ASXL3: variants seen among roughly 807,000 people sequenced by gnomAD.
ASXL3 encodes the protein putative Polycomb group protein ASXL3.
A neutral mutation model predicts 170.6 loss-of-function variants in ASXL3; 34 were observed. The ratio of observed to expected loss-of-function variants is 0.20; its 90% confidence interval spans 0.15 to 0.27. ASXL3 has a LOEUF of 0.27. ASXL3 is among the 10% of genes least tolerant of loss of function. The pLI is 1.00. For synonymous variants in ASXL3, 1,002 were observed against 989.1 expected (o/e 1.01, Z -0.24); for missense variants, 2,592 against 2,695.3 (o/e 0.96, Z 0.85).
At chr18:33,701,682 T>G (rs1161827930) in intron 8 of ASXL3, among the ~76,000 whole-genome samples, 1 of 152,140 alleles carries the variant, frequency 6.6e-6, no homozygotes, top group African/African-American at 2.4e-5. Flanking sequence ...GCTTTCAGCA[T>G]TTTTACCAGA....
chr18:33,730,736 T>C (rs149457442), intron 8 of ASXL3, among the ~76,000 whole-genome samples: 98 of 152,324 alleles, frequency 6.4e-4, no homozygotes, highest in African/African-American at 2.3e-3. Flanking sequence ...GATTTTTCTT[T>C]ATTGCCAGTG....
At chr18:33,714,931 A>G (rs889691755) in intron 8 of ASXL3, among the ~76,000 whole-genome samples, 1 of 152,116 alleles carries the variant, frequency 6.6e-6, no homozygotes, top group African/African-American at 2.4e-5. Flanking sequence ...ATTCAGTTCA[A>G]TTTGTAATTG....
Position 33,638,004 on chromosome 18 carries a change from G to T in ASXL3, c.138-6890G>T, listed in dbSNP as rs144404112. Among the ~76,000 whole-genome samples the T allele has an allele frequency of 2.6e-3, 393 of 152,092 alleles. 1 individual carries two copies. The highest frequency in any genetic ancestry group is 6.8e-3 in the Middle Eastern group (2 of 294). On this transcript the variant is annotated intron_variant, in intron 2 of 11. Coordinates refer to ENST00000269197, the MANE Select transcript of ASXL3 (RefSeq NM_030632.3). Reference sequence around the variant, plus strand: ...AAGATTAGCTTGACATACATAAATAGAGTGCTCAATAAATGTTTGTTCAGT... The same window carrying T: ...AAGATTAGCTTGACATACATAAATATAGTGCTCAATAAATGTTTGTTCAGT...
chr18:33,721,273 G>A lies in ASXL3; in HGVS notation c.880-10695G>A, dbSNP rs148144041. 4.0e-3 allele frequency among the ~76,000 whole-genome samples: 614 copies of A among 152,040 alleles called. 4 individuals are homozygous for A. The highest frequency in any genetic ancestry group is 0.011 in the South Asian group (52 of 4,822). ...TGGTGGGATCAGGAGGATAGTTCTC[G>A]TTCTCTTGATAACAGCAAAAGGTTC... On this transcript the variant is annotated intron_variant, in intron 8 of 11. Transcript: ENST00000269197.
At chr18:33,601,567 A>C (rs2065183270) in intron 1 of ASXL3, among the ~76,000 whole-genome samples, 1 of 151,640 alleles carries the variant, frequency 6.6e-6, no homozygotes, top group Non-Finnish European at 1.5e-5. Context: ...CCCCCAAATT[A>C]ACTTGGTCTT....
intron 8 of ASXL3, among the ~76,000 whole-genome samples, chr18:33,704,809 G>A (rs1043940921): frequency 3.3e-5 from 5 of 151,948 alleles, no homozygotes; most frequent in Non-Finnish European, 7.4e-5. Flanking sequence ...TACGTTAGAA[G>A]TATCATTAAA....
At chr18:33,654,335 G>A (rs1185940917) in intron 4 of ASXL3, among the ~76,000 whole-genome samples, 3 of 151,932 alleles carry the variant, frequency 2.0e-5, no homozygotes, top group East Asian at 1.9e-4. Flanking sequence ...TATATAATCT[G>A]TGACTGTAGA....
intron 1 of ASXL3, among the ~76,000 whole-genome samples, chr18:33,602,819 ATATGT>A (rs2065198552): frequency 7.9e-6 from 1 of 126,164 alleles, no homozygotes; most frequent in Admixed American, 7.9e-5. Context: ...ATAAAATAAC[ATATGT>A]TGTGTGAAGC....
chr18:33,717,206 G>A (rs1185107246), intron 8 of ASXL3, among the ~76,000 whole-genome samples: 1 of 152,056 alleles, frequency 6.6e-6, no homozygotes. Flanking sequence ...AGTAGAGGTC[G>A]GGTGACCAGC....
Position 33,585,751 on chromosome 18 carries a change from G to A in ASXL3, c.54+7066G>A, listed in dbSNP as rs1015551332. ...TTTGGAGGAACTTTTAGAATCTGAG[G>A]AATTCTCCAAGGCGGTGCAATTTAG... On this transcript the variant is annotated intron_variant, in intron 1 of 11. Transcript: ENST00000269197. 2.0e-5 allele frequency among the ~76,000 whole-genome samples: 3 copies of A among 152,172 alleles called. No individual in the cohort carries two copies. The East Asian group carries it at 5.8e-4, about 29-fold the overall frequency.
intron 8 of ASXL3, among the ~76,000 whole-genome samples, chr18:33,725,399 T>G (rs1226216748): frequency 6.6e-6 from 1 of 152,134 alleles, no homozygotes; most frequent in Non-Finnish European, 1.5e-5. Context: ...CCTATCAATA[T>G]GATGCCACTT....
intron 1 of ASXL3, among the ~76,000 whole-genome samples, chr18:33,604,721 A>C (rs1168239736): frequency 2.0e-5 from 3 of 151,996 alleles, no homozygotes; most frequent in African/African-American, 7.2e-5. Flanking sequence ...TCTCCAGCTC[A>C]ACATGAACAG....
chr18:33,662,309 T>C (rs2066186925), intron 5 of ASXL3, among the ~76,000 whole-genome samples: 2 of 152,184 alleles, frequency 1.3e-5, no homozygotes, highest in African/African-American at 4.8e-5. Context: ...GACACAAGGT[T>C]GGGCTCTGGG....
chr18:33,578,906 G>C (rs770674103), intron 1 of ASXL3: 1 of 200,472 alleles, frequency 5.0e-6, no homozygotes, highest in African/African-American at 2.4e-5. Flanking sequence ...GGAGCCCCGC[G>C]TCCGGGACCG....
At position 33,748,900 on chromosome 18, in the gene ASXL3, C is replaced by T. The variant is rs1009914632; in HGVS notation, c.*2305C>T. The T allele has an allele frequency of 1.3e-5, 2 of 152,186 alleles. No homozygotes were observed. The highest frequency in any genetic ancestry group is 4.8e-5 in the African/African-American group (2 of 41,442). 9.4% of individuals were successfully genotyped at this position (152,186 alleles called of 1,614,324 possible). ...AGGTACAATTGAGGCTGATGAGATACTGAGCTCATTATCAGTTCCTTCATT... is the reference window on the plus strand; with the variant it reads ...AGGTACAATTGAGGCTGATGAGATATTGAGCTCATTATCAGTTCCTTCATT... On this transcript the variant is annotated 3_prime_UTR_variant, in exon 12 of 12. Coordinates refer to ENST00000269197, the MANE Select transcript of ASXL3 (RefSeq NM_030632.3).
At chr18:33,629,764 G>T (rs1030534676) in intron 2 of ASXL3, among the ~76,000 whole-genome samples, 1 of 151,860 alleles carries the variant, frequency 6.6e-6, no homozygotes, top group Non-Finnish European at 1.5e-5. Flanking sequence ...TAATCAAAAC[G>T]CACGTTTTTT....
At position 33,723,849 on chromosome 18, in the gene ASXL3, G is replaced by GCAGCCAC. The variant is rs1414842474; in HGVS notation, c.880-8110_880-8104dup. On this transcript the variant is annotated intron_variant, in intron 8 of 11. Transcript: ENST00000269197. The stretch of plus-strand genomic sequence containing the variant: ...ATTATCATAGCCATTCCAGCCTTCA[G>GCAGCCAC]CAGCCACCAGCCACCCTGATCAGTC... 4.6e-5 allele frequency among the ~76,000 whole-genome samples: 7 copies of GCAGCCAC among 152,192 alleles called. No individual in the cohort carries two copies. The East Asian group carries it at 7.7e-4, about 17-fold the overall frequency.
At chr18:33,613,289 G>A (rs554123060) in intron 2 of ASXL3, among the ~76,000 whole-genome samples, 1 of 152,090 alleles carries the variant, frequency 6.6e-6, no homozygotes, top group East Asian at 1.9e-4. Flanking sequence ...CAATTCTTCA[G>A]ATACTTATTC....
chr18:33,749,822 G>A lies in ASXL3; in HGVS notation c.*3227G>A, dbSNP rs2067856044. 1.3e-5 allele frequency: 2 copies of A among 152,172 alleles called. No homozygotes were observed. The highest frequency in any genetic ancestry group is 6.5e-5 in the Admixed American group (1 of 15,272). 9.4% of individuals were successfully genotyped at this position (152,172 alleles called of 1,614,324 possible). A position where few individuals can be genotyped will look rare whatever the true frequency, so the allele number is the denominator to read the frequency against. On this transcript the variant is annotated 3_prime_UTR_variant, in exon 12 of 12. Coordinates refer to ENST00000269197, the MANE Select transcript of ASXL3 (RefSeq NM_030632.3). ...GTTTCTGGGATGAGCTATATAGAAA[G>A]TTTAGTTGACTGCTGGACCTTGGAT...
Sources: allele counts gnomAD v4.1 joint callset (sites outside exome capture counted in the v4.1 genomes callset), GRCh38; gene constraint gnomAD v4.1.1; transcripts MANE v1.5; gene names NCBI Gene and HGNC (gene_info 2026-07-23, HGNC 2026-07-21).